CD44: variants seen among roughly 807,000 people sequenced by gnomAD.
CD44 encodes the protein CD44 antigen.
CD44 carries 49 observed loss-of-function variants against 88.8 expected under a neutral mutation model. The ratio of observed to expected loss-of-function variants is 0.55; its 90% CI spans 0.44 to 0.70. The LOEUF (loss-of-function observed/expected upper bound fraction) is 0.70, where lower values mean the gene tolerates loss of function less well. Among genes scored for constraint, CD44 ranks in the 30% least tolerant of loss-of-function variants. CD44 has a pLI of 0.00. For synonymous variants in CD44, 325 were observed against 312.3 expected, an observed-to-expected ratio of 1.04 and a Z score of -0.43; for missense variants, 883 against 913.8, an observed-to-expected ratio of 0.97 and a Z score of 0.43.
At chr11:35,154,963 A>G (rs182644076) in intron 1 of CD44, among the ~76,000 whole-genome samples, 4 of 152,296 alleles carry the variant, frequency 2.6e-5, no homozygotes, top group Non-Finnish European at 5.9e-5. Flanking sequence ...TCTTCCTGCA[A>G]TTTAGCACCC....
rs188499767 is a variant in CD44 at position 35,189,135 on chromosome 11, A to G, written c.437-700A>G. ...ATTCAGGCTTTTTCTTCTCCAATTCATTCTAGTCATTTGTTGAAACCACAG... is the reference window on the plus strand; with the variant it reads ...ATTCAGGCTTTTTCTTCTCCAATTCGTTCTAGTCATTTGTTGAAACCACAG... On this transcript the variant is annotated intron_variant, in intron 4 of 17. Coordinates refer to ENST00000428726, the MANE Select transcript of CD44 (RefSeq NM_000610.4). Among the ~76,000 whole-genome samples the G allele has an allele frequency of 9.2e-5, 14 of 152,270 alleles. No homozygotes were observed. The East Asian group carries it at 2.7e-3, about 29-fold the overall frequency.
At chr11:35,195,915 A>G (rs2133967232) in intron 5 of CD44, among the ~76,000 whole-genome samples, 1 of 152,280 alleles carries the variant, frequency 6.6e-6, no homozygotes, top group African/African-American at 2.4e-5. Flanking sequence ...AGGATTTGGA[A>G]TCTAAATGGA....
chr11:35,171,326 T>A (rs1452960787), intron 1 of CD44, among the ~76,000 whole-genome samples: 1 of 152,218 alleles, frequency 6.6e-6, no homozygotes, highest in Non-Finnish European at 1.5e-5. Context: ...TTTGACACCA[T>A]TCTTGCAACT....
intron 6 of CD44, 129 bp from the exon 7 acceptor site, chr11:35,197,992 C>CA (rs1946928913): frequency 2.3e-6 from 2 of 880,412 alleles, no homozygotes; most frequent in Non-Finnish European, 3.4e-6. Flanking sequence ...TTGGGGTATG[C>CA]AAGTCAACTC....
chr11:35,228,610 T>C (rs1949878807), intron 17 of CD44, among the ~76,000 whole-genome samples: 1 of 152,202 alleles, frequency 6.6e-6, no homozygotes, highest in African/African-American at 2.4e-5. Flanking sequence ...AGACCAGGGT[T>C]TGAATCCTCT....
intron 1 of CD44, among the ~76,000 whole-genome samples, chr11:35,163,451 A>T (rs7111731): frequency 0.12 from 17,617 of 152,134 alleles, 1,066 homozygotes; most frequent in South Asian, 0.19. Context: ...AAGGGGTAAA[A>T]AAGCATCAAT....
intron 17 of CD44, among the ~76,000 whole-genome samples, chr11:35,224,449 A>C (rs1421015738): frequency 2.0e-5 from 3 of 152,192 alleles, no homozygotes; most frequent in Non-Finnish European, 2.9e-5. Flanking sequence ...TAAAGAATCT[A>C]TCTGGGCCAG....
At chr11:35,202,168 C>T (rs1219509349) in intron 9 of CD44, among the ~76,000 whole-genome samples, 3 of 152,140 alleles carry the variant, frequency 2.0e-5, no homozygotes, top group Non-Finnish European at 4.4e-5. Flanking sequence ...TCTTTGGAAT[C>T]CTTATTTTCT....
chr11:35,199,859 G>A (rs1349047377), intron 7 of CD44, among the ~76,000 whole-genome samples: 1 of 150,888 alleles, frequency 6.6e-6, no homozygotes, highest in Non-Finnish European at 1.5e-5. Flanking sequence ...AAATTCCCTT[G>A]GGTGGTAACC....
chr11:35,187,722 C>A (rs1235175437), intron 4 of CD44, among the ~76,000 whole-genome samples: 2 of 152,024 alleles, frequency 1.3e-5, no homozygotes, highest in East Asian at 3.9e-4. Context: ...CATTTTGGCC[C>A]TAATTAGCAA....
At chr11:35,219,260 G>A in intron 15 of CD44, 56 bp from the exon 16 acceptor site, 1 of 1,315,560 alleles carries the variant, frequency 7.6e-7, no homozygotes. Flanking sequence ...GCTCCACAAG[G>A]AACTCATGGT....
chr11:35,196,868 A>G lies in CD44; in HGVS notation c.790A>G (p.Met264Val), dbSNP rs372132258. Reference sequence around the variant, plus strand: ...GAATCATCTTCACACAACAACACAAATGGCTGGTAATGAGTTATTATTATC... The same window carrying G: ...GAATCATCTTCACACAACAACACAAGTGGCTGGTAATGAGTTATTATTATC... ...SKNHLHTTTQ[M>V]AGTSSNTISA... Residue 264 changes from methionine to valine, a missense_variant, in exon 6 of 18, where the codon ATG becomes GTG. Met to Val is a conservative substitution (Grantham distance 21). Transcript: ENST00000428726. 9.3e-5 allele frequency: 150 copies of G among 1,612,708 alleles called. No homozygotes were observed. Among genetic ancestry groups the G allele is most frequent in the Non-Finnish European group, 1.2e-4 (147 of 1,179,158 alleles).
At chr11:35,157,980 G>A (rs1942122691) in intron 1 of CD44, among the ~76,000 whole-genome samples, 1 of 152,124 alleles carries the variant, frequency 6.6e-6, no homozygotes, top group Admixed American at 6.6e-5. Context: ...TCATCCCCAG[G>A]CTTCCTTCCG....
intron 1 of CD44, among the ~76,000 whole-genome samples, chr11:35,170,103 T>C (rs895112748): frequency 6.6e-6 from 1 of 152,236 alleles, no homozygotes; most frequent in African/African-American, 2.4e-5. Context: ...TATCAAGTGT[T>C]TGACATACCT....
At chr11:35,146,436 A>G (rs1859195345) in intron 1 of CD44, among the ~76,000 whole-genome samples, 1 of 152,216 alleles carries the variant, frequency 6.6e-6, no homozygotes. Flanking sequence ...GCATCTTTGC[A>G]CAAGTTCTAT....
At chr11:35,187,436 T>C (rs1945797734) in intron 4 of CD44, among the ~76,000 whole-genome samples, 1 of 152,236 alleles carries the variant, frequency 6.6e-6, no homozygotes, top group African/African-American at 2.4e-5. Context: ...AAAACCACTT[T>C]CACATTTTTT....
Position 35,206,128 on chromosome 11 carries a change from C to A in CD44, c.1299C>A (p.Thr433=). 6.2e-7 allele frequency: 1 copy of A among 1,610,234 alleles called. No individual in the cohort carries two copies. The highest frequency in any genetic ancestry group is 8.5e-7 in the Non-Finnish European group (1 of 1,178,258). The change falls in exon 11 of 18, where the codon ACC becomes ACA. Residue 433 remains threonine (T), a synonymous_variant. Transcript: ENST00000428726. The stretch of plus-strand genomic sequence containing the variant: ...TGGTCACAGCAGCCTCAGCTCATAC[C>A]AGCCATCCAATGCAAGGAAGGACAA... ...TTGTAAASAH[T]SHPMQGRTTP... is the part of the protein sequence containing the mutation.
chr11:35,196,800 C>T lies in CD44; in HGVS notation c.722C>T (p.Thr241Ile). 2.5e-6 allele frequency: 4 copies of T among 1,613,740 alleles called. No individual in the cohort carries two copies. The highest frequency in any genetic ancestry group is 3.4e-6 in the Non-Finnish European group (4 of 1,179,728). ...ATETATKRQE[T>I]WDWFSWLFLP... ...GAGACAGCAACCAAGAGGCAAGAAA[C>T]CTGGGATTGGTTTTCATGGTTGTTT... Residue 241 changes from threonine (T) to isoleucine (I), a missense_variant, in exon 6 of 18, where the codon ACC becomes ATC. By Grantham distance (89) the Thr-to-Ile change is moderately conservative. Around this residue, in one of 2 missense-constraint regions of CD44, gnomAD observed 252 missense variants for 322.9 expected, o/e 0.78. Transcript: ENST00000428726.
At chr11:35,216,607 T>C (rs1358707075) in intron 15 of CD44, among the ~76,000 whole-genome samples, 1 of 152,186 alleles carries the variant, frequency 6.6e-6, no homozygotes, top group Non-Finnish European at 1.5e-5. Context: ...CCAGACTCAG[T>C]TTCCTTGTTA....
Sources: allele counts gnomAD v4.1 joint callset (sites outside exome capture counted in the v4.1 genomes callset), GRCh38; gene constraint gnomAD v4.1.1; regional missense constraint gnomAD v4.1.1; transcripts MANE v1.5; gene names NCBI Gene and HGNC (gene_info 2026-07-23, HGNC 2026-07-21).